Variants in THEM4 observed in about 807,000 individuals in gnomAD.
The protein encoded by THEM4 is thioesterase superfamily member 4.
Under a neutral mutation model 25.0 loss-of-function variants are expected in THEM4, and 22 were observed. The observed-to-expected ratio is 0.88, with a 90% confidence interval of 0.63 to 1.26. The LOEUF (loss-of-function observed/expected upper bound fraction) is 1.26, where lower values mean the gene tolerates loss of function less well. Among genes scored for constraint, THEM4 ranks in the 50% most tolerant of loss-of-function variants. THEM4 has a pLI of 0.00. For synonymous variants in THEM4, 113 were observed against 105.6 expected (o/e 1.07, Z -0.43); for missense variants, 286 against 300.3 (o/e 0.95, Z 0.35).
intron 2 of THEM4, chr1:151,890,544 CAGG>C (rs1194419929): frequency 5.6e-6 from 1 of 177,634 alleles, no homozygotes; most frequent in Non-Finnish European, 1.2e-5. Flanking sequence ...TGAGAAGATC[CAGG>C]AGAAGTGGGG....
In THEM4 at chr1:151,875,554, T is replaced by G. The variant is rs147992828; in HGVS notation, c.683-626A>C. ...AACAAAAAATTGTTCTAATAGAAAA[T>G]ATATAAAGAACATCTATAAATCAGT... On this transcript the variant is annotated intron_variant, in intron 5 of 5. Transcript: ENST00000368814. Among the ~76,000 whole-genome samples, 162 of 151,870 alleles carry G rather than the reference T, an allele frequency of 1.1e-3. 1 individual carries two copies. In the East Asian group the frequency reaches 0.022, roughly 20 times the overall value.
At chr1:151,891,549 T>C (rs963156688) in intron 2 of THEM4, 5 of 152,162 alleles carry the variant, frequency 3.3e-5, no homozygotes, top group Non-Finnish European at 5.9e-5. Context: ...AAGTAAAGGA[T>C]TCAATGAACT....
intron 4 of THEM4, among the ~76,000 whole-genome samples, chr1:151,880,234 T>C (rs1432170037): frequency 1.3e-5 from 2 of 151,866 alleles, no homozygotes; most frequent in African/African-American, 2.4e-5. Context: ...TCCTAGCACT[T>C]TGGGAGTCCG....
At position 151,873,564 on chromosome 1, in the gene THEM4, T is replaced by C. The variant is rs1653602299; in HGVS notation, c.*1324A>G. 1 of 152,178 alleles carries C rather than the reference T, an allele frequency of 6.6e-6. No individual in the cohort carries two copies. Among genetic ancestry groups the C allele is most frequent in the Non-Finnish European group, 1.5e-5 (1 of 68,032 alleles). 9.4% of individuals were successfully genotyped at this position (152,178 alleles called of 1,614,324 possible). A position where few individuals can be genotyped will look rare whatever the true frequency, so the allele number is the denominator to read the frequency against. ...TTGAATTGTGTCCTCCCAAAAAAGG[T>C]ATGTTGTGGTCCTAATCTCCAATAC... On this transcript the variant is annotated 3_prime_UTR_variant, in exon 6 of 6. Transcript: ENST00000368814.
At position 151,894,734 on chromosome 1, in the gene THEM4, T is replaced by C. The variant is rs183258612; in HGVS notation, c.286+274A>G. ...CCTCAAGACGGAGAGGTGATGAGGTTGTAGGAGGGTGGAAGCTCTCTGGGG... is the reference window on the plus strand; with the variant it reads ...CCTCAAGACGGAGAGGTGATGAGGTCGTAGGAGGGTGGAAGCTCTCTGGGG... On this transcript the variant is annotated intron_variant, in intron 2 of 5. Coordinates refer to ENST00000368814, the MANE Select transcript of THEM4 (RefSeq NM_053055.5). 7.7e-5 allele frequency: 45 copies of C among 585,140 alleles called. No homozygotes were observed. In the Admixed American group the frequency reaches 1.4e-3, roughly 18 times the overall value. 36.2% of individuals were successfully genotyped at this position (585,140 alleles called of 1,614,324 possible). A position where few individuals can be genotyped will look rare whatever the true frequency, so the allele number is the denominator to read the frequency against.
intron 4 of THEM4, among the ~76,000 whole-genome samples, chr1:151,879,294 G>A (rs1020264262): frequency 6.6e-6 from 1 of 151,968 alleles, no homozygotes; most frequent in Non-Finnish European, 1.5e-5. Flanking sequence ...TCACTGACCA[G>A]GATAACCACA....
chr1:151,909,342 G>T lies in THEM4; in HGVS notation c.99+18C>A. On this transcript the variant is annotated intron_variant, in intron 1 of 5. Transcript: ENST00000368814. The stretch of plus-strand genomic sequence containing the variant: ...TGAGTCCTGCTCCCGCCCCATGCCC[G>T]AGGGTGCCCAGACTCACCAGCTCGG... The T allele has an allele frequency of 1.3e-6, 2 of 1,512,952 alleles. No individual in the cohort carries two copies. Among genetic ancestry groups the T allele is most frequent in the Non-Finnish European group, 1.8e-6 (2 of 1,135,596 alleles). 93.7% of individuals were successfully genotyped at this position (1,512,952 alleles called of 1,614,324 possible). A position where few individuals can be genotyped will look rare whatever the true frequency, so the allele number is the denominator to read the frequency against.
chr1:151,900,865 T>A (rs1197779913), intron 1 of THEM4, among the ~76,000 whole-genome samples: 1 of 151,986 alleles, frequency 6.6e-6, no homozygotes, highest in African/African-American at 2.4e-5. Flanking sequence ...ATGATGCCCA[T>A]GCTGAAGGTT....
intron 1 of THEM4, among the ~76,000 whole-genome samples, chr1:151,904,425 T>C (rs552817579): frequency 3.0e-4 from 46 of 152,362 alleles, no homozygotes; most frequent in African/African-American, 1.1e-3. Context: ...ATTTCACCAA[T>C]GTTATTACAT....
At chr1:151,894,253 A>T (rs759871905) in intron 2 of THEM4, among the ~76,000 whole-genome samples, 4 of 152,250 alleles carry the variant, frequency 2.6e-5, no homozygotes, top group Non-Finnish European at 5.9e-5. Flanking sequence ...ACTCAGAAAT[A>T]TCTGTGAATG....
chr1:151,878,570 A>G (rs1653738318), intron 4 of THEM4, among the ~76,000 whole-genome samples: 1 of 152,240 alleles, frequency 6.6e-6, no homozygotes, highest in African/African-American at 2.4e-5. Context: ...ATACAAGCCA[A>G]TATATTCCCT....
chr1:151,902,520 G>A (rs1436938245), intron 1 of THEM4, among the ~76,000 whole-genome samples: 1 of 152,116 alleles, frequency 6.6e-6, no homozygotes, highest in Non-Finnish European at 1.5e-5. Context: ...GGGGATAAGG[G>A]ATAAAAGACT....
At position 151,874,815 on chromosome 1, in the gene THEM4, G is replaced by T; in HGVS notation, c.*73C>A. The T allele has an allele frequency of 7.2e-7, 1 of 1,397,950 alleles. No individual in the cohort carries two copies. The highest frequency in any genetic ancestry group is 1.0e-6 in the Non-Finnish European group (1 of 984,514). 86.6% of individuals were successfully genotyped at this position (1,397,950 alleles called of 1,614,324 possible). A position where few individuals can be genotyped will look rare whatever the true frequency, so the allele number is the denominator to read the frequency against. The stretch of plus-strand genomic sequence containing the variant: ...TCTCCCTACAGGGATTCAGCAGTGA[G>T]GGAGCAGAGTATTTGGGGGACAACT... On this transcript the variant is annotated 3_prime_UTR_variant, in exon 6 of 6. Coordinates refer to ENST00000368814, the MANE Select transcript of THEM4 (RefSeq NM_053055.5).
chr1:151,884,012 T>G (rs1653903409), intron 4 of THEM4, among the ~76,000 whole-genome samples: 2 of 151,500 alleles, frequency 1.3e-5, no homozygotes, highest in Non-Finnish European at 2.9e-5. Flanking sequence ...GAGGTAGAGG[T>G]TGCAGTGAGC....
chr1:151,879,303 C>T (rs965423528), intron 4 of THEM4, among the ~76,000 whole-genome samples: 5 of 151,924 alleles, frequency 3.3e-5, no homozygotes, highest in African/African-American at 1.2e-4. Context: ...AGGATAACCA[C>T]ATGAGACTAT....
intron 4 of THEM4, among the ~76,000 whole-genome samples, chr1:151,886,586 T>C (rs1558190392): frequency 1.3e-5 from 2 of 152,174 alleles, no homozygotes; most frequent in Admixed American, 6.5e-5. Context: ...ATCTAATTTA[T>C]AGTTATAACT....
chr1:151,885,414 C>T (rs1224297417), intron 4 of THEM4, among the ~76,000 whole-genome samples: 1 of 152,220 alleles, frequency 6.6e-6, no homozygotes, highest in Non-Finnish European at 1.5e-5. Flanking sequence ...CCACTGTGCC[C>T]AGCCTCATCT....
intron 2 of THEM4, among the ~76,000 whole-genome samples, chr1:151,893,914 C>G (rs1204504495): frequency 6.6e-6 from 1 of 151,544 alleles, no homozygotes; most frequent in African/African-American, 2.4e-5. Context: ...GGATGGAGTG[C>G]AGTGGCGCGA....
chr1:151,872,258 G>A lies in THEM4; in HGVS notation c.*2630C>T, dbSNP rs753614664. ...GGCCATCCCAGGTCAGTCAGCTCTGGCAATGGAGGGCTCCAGCTGATCTTT... is the reference window on the plus strand; with the variant it reads ...GGCCATCCCAGGTCAGTCAGCTCTGACAATGGAGGGCTCCAGCTGATCTTT... On this transcript the variant is annotated 3_prime_UTR_variant, in exon 6 of 6. Coordinates refer to ENST00000368814, the MANE Select transcript of THEM4 (RefSeq NM_053055.5). Among the ~76,000 whole-genome samples the A allele has an allele frequency of 6.6e-6, 1 of 152,212 alleles. No homozygotes were observed. Among genetic ancestry groups the A allele is most frequent in the Non-Finnish European group, 1.5e-5 (1 of 68,036 alleles).
Sources: allele counts gnomAD v4.1 joint callset (sites outside exome capture counted in the v4.1 genomes callset), GRCh38; gene constraint gnomAD v4.1.1; transcripts MANE v1.5; gene names NCBI Gene and HGNC (gene_info 2026-07-23, HGNC 2026-07-21).